The following PRKCA variants were observed in gnomAD, a reference collection of about 807,000 sequenced individuals.
PRKCA encodes the protein protein kinase C alpha.
Under a neutral mutation model 87.0 loss-of-function variants are expected in PRKCA, and 27 were observed. That is an observed-to-expected ratio of 0.31 (90% CI 0.23 to 0.43). The LOEUF (loss-of-function observed/expected upper bound fraction) is 0.43. PRKCA is among the 20% of genes least tolerant of loss of function. PRKCA has a pLI of 1.00. For synonymous variants in PRKCA, 329 were observed against 311.1 expected (o/e 1.06, Z -0.61); for missense variants, 518 against 852.3 (o/e 0.61, Z 4.88).
At chr17:66,504,091 G>A (rs553140687) in intron 3 of PRKCA, among the ~76,000 whole-genome samples, 11 of 152,274 alleles carry the variant, frequency 7.2e-5, no homozygotes, top group Non-Finnish European at 1.0e-4. Context: ...GTTTTCTTAC[G>A]TATAAATATG....
At chr17:66,430,713 A>G (rs2143830050) in intron 2 of PRKCA, among the ~76,000 whole-genome samples, 1 of 152,134 alleles carries the variant, frequency 6.6e-6, no homozygotes, top group South Asian at 2.1e-4. Flanking sequence ...GCCCTTCTCT[A>G]CCATTCCTCC....
At chr17:66,759,067 G>GTGTT (rs1182513006) in intron 13 of PRKCA, among the ~76,000 whole-genome samples, 2 of 152,032 alleles carry the variant, frequency 1.3e-5, no homozygotes, top group Non-Finnish European at 2.9e-5. Context: ...TTTGAAAGTA[G>GTGTT]ACTTGGGCTG....
intron 10 of PRKCA, among the ~76,000 whole-genome samples, chr17:66,736,775 C>G (rs146395206): frequency 1.3e-5 from 2 of 152,116 alleles, no homozygotes; most frequent in Non-Finnish European, 2.9e-5. Context: ...TATCGTGACA[C>G]GTGAAAATTA....
intron 2 of PRKCA, among the ~76,000 whole-genome samples, chr17:66,387,399 G>A (rs79070460): frequency 6.6e-6 from 1 of 152,216 alleles, no homozygotes; most frequent in South Asian, 2.1e-4. Flanking sequence ...AGAGAGAGAA[G>A]TGAGTATAAG....
chr17:66,636,688 A>C (rs1363786804), intron 3 of PRKCA, among the ~76,000 whole-genome samples: 1 of 152,236 alleles, frequency 6.6e-6, no homozygotes, highest in Non-Finnish European at 1.5e-5. Context: ...TATTTGTCTA[A>C]GGATTTTCAG....
intron 2 of PRKCA, among the ~76,000 whole-genome samples, chr17:66,352,898 G>GGGTT (rs1025235270): frequency 6.6e-6 from 1 of 152,052 alleles, no homozygotes; most frequent in Non-Finnish European, 1.5e-5. Flanking sequence ...GAGGAGGGAA[G>GGGTT]TGGCGAAGAA....
At chr17:66,370,957 G>T (rs981433880) in intron 2 of PRKCA, among the ~76,000 whole-genome samples, 1 of 152,168 alleles carries the variant, frequency 6.6e-6, no homozygotes, top group African/African-American at 2.4e-5. Context: ...GGGGCAGGCT[G>T]GTTTGTAAGA....
chr17:66,493,513 A>G (rs553313267), intron 2 of PRKCA, among the ~76,000 whole-genome samples: 1 of 152,134 alleles, frequency 6.6e-6, no homozygotes, highest in African/African-American at 2.4e-5. Flanking sequence ...AGCCTTGGGA[A>G]AGACCATCCT....
At chr17:66,675,266 CTCTTA>C (rs2143969119) in intron 5 of PRKCA, among the ~76,000 whole-genome samples, 1 of 152,312 alleles carries the variant, frequency 6.6e-6, no homozygotes, top group South Asian at 2.1e-4. Flanking sequence ...CCTTGGGCTT[CTCTTA>C]TAAGGGCACT....
At chr17:66,392,283 C>T (rs1229188203) in intron 2 of PRKCA, among the ~76,000 whole-genome samples, 1 of 150,366 alleles carries the variant, frequency 6.7e-6, no homozygotes, top group African/African-American at 2.4e-5. Context: ...TTTGGGAGTA[C>T]AGAGTGGGAA....
chr17:66,670,496 T>C (rs2143946163), intron 5 of PRKCA, among the ~76,000 whole-genome samples: 1 of 152,286 alleles, frequency 6.6e-6, no homozygotes, highest in South Asian at 2.1e-4. Flanking sequence ...CCTTTGGTGA[T>C]CGGAGAAATG....
At chr17:66,669,729 C>T (rs1223026089) in intron 5 of PRKCA, among the ~76,000 whole-genome samples, 4 of 151,996 alleles carry the variant, frequency 2.6e-5, no homozygotes, top group South Asian at 2.1e-4. Context: ...GGTGAAACCC[C>T]GTCTCTACTA....
intron 3 of PRKCA, among the ~76,000 whole-genome samples, chr17:66,537,763 A>T (rs1056627932): frequency 6.6e-6 from 1 of 152,062 alleles, no homozygotes; most frequent in African/African-American, 2.4e-5. Flanking sequence ...TGAGTAAGAG[A>T]TTGCTTTGTA....
chr17:66,531,516 T>C (rs1221100400), intron 3 of PRKCA, among the ~76,000 whole-genome samples: 1 of 152,216 alleles, frequency 6.6e-6, no homozygotes, highest in African/African-American at 2.4e-5. Flanking sequence ...CACCTGTGGA[T>C]GTAGGCGATC....
chr17:66,783,594 A>C (rs936841780), intron 14 of PRKCA, among the ~76,000 whole-genome samples: 2 of 152,236 alleles, frequency 1.3e-5, no homozygotes, highest in African/African-American at 4.8e-5. Flanking sequence ...TAGGTGTGGT[A>C]GGCCAGTGCC....
At chr17:66,524,505 A>G (rs934294891) in intron 3 of PRKCA, among the ~76,000 whole-genome samples, 1 of 152,230 alleles carries the variant, frequency 6.6e-6, no homozygotes, top group African/African-American at 2.4e-5. Flanking sequence ...GAGATGACCC[A>G]TATGTACAGT....
chr17:66,595,449 A>T (rs9915009), intron 3 of PRKCA, among the ~76,000 whole-genome samples: 3 of 143,826 alleles, frequency 2.1e-5, no homozygotes, highest in African/African-American at 5.2e-5. Context: ...ACTCTATTTT[A>T]TTTTCTTTTC....
At chr17:66,733,209 G>A (rs928082290) in intron 9 of PRKCA, among the ~76,000 whole-genome samples, 1 of 151,880 alleles carries the variant, frequency 6.6e-6, no homozygotes, top group Non-Finnish European at 1.5e-5. Context: ...AGACCACCAG[G>A]ATGGCTAAAT....
In PRKCA at chr17:66,397,535, A is replaced by G. The variant is rs144740766; in HGVS notation, c.205+91408A>G. ...TTTTCTTTTTTAGCTTGTCTTTTGG[A>G]GTTCTTGCCTTTGACTTAAGGGCAA... On this transcript the variant is annotated intron_variant, in intron 2 of 16. Transcript: ENST00000413366. Among the ~76,000 whole-genome samples the G allele has an allele frequency of 4.1e-3, 628 of 151,928 alleles. 5 individuals are homozygous for G. Among genetic ancestry groups the G allele is most frequent in the African/African-American group, 0.014 (596 of 41,422 alleles).
Sources: allele counts gnomAD v4.1 joint callset (sites outside exome capture counted in the v4.1 genomes callset), GRCh38; gene constraint gnomAD v4.1.1; transcripts MANE v1.5; gene names NCBI Gene and HGNC (gene_info 2026-07-23, HGNC 2026-07-21).